The following SOX5 variants were observed in gnomAD, a reference collection of about 807,000 sequenced individuals.
The protein encoded by SOX5 is transcription factor SOX-5.
In SOX5, 9 loss-of-function variants were observed where a neutral mutation model predicts 92.0. The ratio of observed to expected loss-of-function variants is 0.10; its 90% CI spans 0.06 to 0.17. The LOEUF is 0.17. Ranked by LOEUF, SOX5 falls within the 10% of genes least tolerant of loss-of-function variation. The pLI is 1.00. For synonymous variants in SOX5, 344 were observed against 336.3 expected (o/e 1.02, Z -0.25); for missense variants, 642 against 944.5 (o/e 0.68, Z 4.20).
In SOX5 at chr12:24,065,807, T is replaced by C. The variant is rs557990308; in HGVS notation, c.-2+147536A>G. Among the ~76,000 whole-genome samples the C allele has an allele frequency of 1.2e-4, 18 of 152,274 alleles. 1 individual carries two copies. Among genetic ancestry groups the C allele is most frequent in the Non-Finnish European group, 2.4e-4 (16 of 68,026 alleles). On this transcript the variant is annotated intron_variant, in intron 4 of 4. Coordinates refer to the SOX5 transcript ENST00000446891. ...TTTGTGCCCAGGCCCTTAATCTCCA[T>C]GAAATGCATATCCCTGTCTTATCTC...
At chr12:23,966,147 T>G (rs1390639892) in intron 4 of SOX5, among the ~76,000 whole-genome samples, 1 of 146,502 alleles carries the variant, frequency 6.8e-6, no homozygotes, top group Non-Finnish European at 1.5e-5. Flanking sequence ...GAATCTAACA[T>G]CTTTTTTTCC....
chr12:23,859,516 C>G (rs893086703), intron 2 of SOX5, among the ~76,000 whole-genome samples: 11 of 152,128 alleles, frequency 7.2e-5, no homozygotes, highest in African/African-American at 2.4e-4. Flanking sequence ...ATCAGGACAA[C>G]GTGTGCCCAG....
At chr12:24,137,569 T>C (rs1028562898) in intron 4 of SOX5, among the ~76,000 whole-genome samples, 1 of 151,216 alleles carries the variant, frequency 6.6e-6, no homozygotes, top group African/African-American at 2.4e-5. Flanking sequence ...GAGATGGAGG[T>C]TGCAGTGAGC....
chr12:24,218,297 G>C (rs1190812887), intron 3 of SOX5, among the ~76,000 whole-genome samples: 1 of 152,062 alleles, frequency 6.6e-6, no homozygotes, highest in Non-Finnish European at 1.5e-5. Context: ...ATATTATTCA[G>C]CCTTAAAAAG....
chr12:24,381,877 C>A (rs1957861950), intron 1 of SOX5, among the ~76,000 whole-genome samples: 1 of 152,180 alleles, frequency 6.6e-6, no homozygotes, highest in East Asian at 1.9e-4. Context: ...AAGAATTTGA[C>A]TTTAACCCCA....
chr12:24,436,314 TG>T (rs1939419615), intron 1 of SOX5, among the ~76,000 whole-genome samples: 1 of 152,168 alleles, frequency 6.6e-6, no homozygotes, highest in Non-Finnish European at 1.5e-5. Flanking sequence ...GAAAAGTTAT[TG>T]AAGAGAATTA....
At chr12:23,624,565 T>C (rs1014599523) in intron 8 of SOX5, among the ~76,000 whole-genome samples, 2 of 152,150 alleles carry the variant, frequency 1.3e-5, no homozygotes, top group Non-Finnish European at 2.9e-5. Flanking sequence ...AGTTATAAAA[T>C]GGAGGGAGCG....
At chr12:24,130,194 G>C (rs1170157380) in intron 4 of SOX5, among the ~76,000 whole-genome samples, 1 of 152,180 alleles carries the variant, frequency 6.6e-6, no homozygotes, top group Non-Finnish European at 1.5e-5. Context: ...TGAAAGCAGT[G>C]ATGTGAAAAT....
intron 1 of SOX5, among the ~76,000 whole-genome samples, chr12:24,540,308 C>CACATTTAGAA (rs57871777): frequency 0.046 from 6,968 of 151,950 alleles, 537 homozygotes; most frequent in African/African-American, 0.16. Flanking sequence ...AAAACTAATG[C>CACATTTAGAA]AAGGTAATGT....
chr12:23,835,197 A>C (rs1163759339), intron 3 of SOX5, among the ~76,000 whole-genome samples: 5 of 151,888 alleles, frequency 3.3e-5, no homozygotes, highest in African/African-American at 1.2e-4. Context: ...CGATTTGTTT[A>C]AATTTAATGA....
chr12:24,308,222 C>T (rs187607134), intron 2 of SOX5, among the ~76,000 whole-genome samples: 1 of 152,304 alleles, frequency 6.6e-6, no homozygotes, highest in Non-Finnish European at 1.5e-5. Flanking sequence ...CACTGCTCCC[C>T]TCCCAAGTGC....
At chr12:24,288,612 G>A (rs1946204203) in intron 2 of SOX5, among the ~76,000 whole-genome samples, 1 of 152,096 alleles carries the variant, frequency 6.6e-6, no homozygotes, top group African/African-American at 2.4e-5. Context: ...AAAATAAAGC[G>A]ATGCAAATGG....
chr12:24,379,572 C>T (rs1037524420), intron 1 of SOX5, among the ~76,000 whole-genome samples: 24 of 152,310 alleles, frequency 1.6e-4, no homozygotes, highest in African/African-American at 5.8e-4. Context: ...CCAGTGCTGT[C>T]ATCAATGGTG....
chr12:23,947,008 C>T (rs926882858), intron 1 of SOX5, among the ~76,000 whole-genome samples: 1 of 151,826 alleles, frequency 6.6e-6, no homozygotes, highest in African/African-American at 2.4e-5. Flanking sequence ...ATAATATAGA[C>T]ATATACAAAT....
intron 4 of SOX5, among the ~76,000 whole-genome samples, chr12:23,981,711 G>A (rs1028169693): frequency 7.2e-5 from 11 of 152,024 alleles, no homozygotes; most frequent in African/African-American, 2.7e-4. Flanking sequence ...CTTGTTTCTG[G>A]AGATGAGAGT....
chr12:24,429,520 T>C (rs916976695), intron 1 of SOX5, among the ~76,000 whole-genome samples: 3 of 151,698 alleles, frequency 2.0e-5, no homozygotes, highest in Non-Finnish European at 2.9e-5. Context: ...GGGGAAGAAG[T>C]ATAGAGGGGA....
At chr12:23,954,602 C>CA (rs1223089848), upstream of SOX5, among the ~76,000 whole-genome samples, 1 of 151,976 alleles carries the variant, frequency 6.6e-6, no homozygotes, top group Non-Finnish European at 1.5e-5. Context: ...TGGACTTCTT[C>CA]AAAAAATACC....
chr12:23,977,617 C>A (rs1360181813), intron 4 of SOX5, among the ~76,000 whole-genome samples: 1 of 59,650 alleles, frequency 1.7e-5, no homozygotes, highest in Non-Finnish European at 3.5e-5. Flanking sequence ...GAGCCAAGAT[C>A]GCACCACTGC....
chr12:24,292,689 A>C (rs1946755123), intron 2 of SOX5, among the ~76,000 whole-genome samples: 1 of 152,236 alleles, frequency 6.6e-6, no homozygotes, highest in African/African-American at 2.4e-5. Context: ...TTAGTTAAGA[A>C]AAGTTTCTTC....
Sources: gnomAD v4.1 joint callset for allele counts (sites outside exome capture counted in the v4.1 genomes callset) on GRCh38, gnomAD v4.1.1 for gene constraint, MANE v1.5 for transcripts, NCBI Gene and HGNC (gene_info 2026-07-23, HGNC 2026-07-21) for gene names.